Variants in FLRT2 observed in about 807,000 individuals in gnomAD.
FLRT2 encodes leucine-rich repeat transmembrane protein FLRT2.
In FLRT2, 15 loss-of-function variants were observed where a neutral mutation model predicts 40.0. That is an observed-to-expected ratio of 0.38 (90% CI 0.25 to 0.58). FLRT2 has a LOEUF of 0.58. FLRT2 is among the 20% of genes least tolerant of loss of function. FLRT2 has a pLI of 0.71. For missense variants in FLRT2, 726 were observed against 840.0 expected, an observed-to-expected ratio of 0.86 and a Z score of 1.68; for synonymous variants, 380 against 336.8, an observed-to-expected ratio of 1.13 and a Z score of -1.41.
chr14:85,589,998 T>A (rs1223153756), intron 1 of FLRT2, among the ~76,000 whole-genome samples: 2 of 152,130 alleles, frequency 1.3e-5, no homozygotes, highest in Non-Finnish European at 2.9e-5. Flanking sequence ...TTGGTTACTA[T>A]AGCTCTGTAG....
intron 1 of FLRT2, among the ~76,000 whole-genome samples, chr14:85,544,152 A>G (rs967589472): frequency 2.0e-5 from 3 of 152,196 alleles, no homozygotes; most frequent in African/African-American, 7.2e-5. Context: ...AGGGGGAAGT[A>G]CAACCACCAC....
chr14:85,598,428 T>G (rs1353023829), intron 1 of FLRT2, among the ~76,000 whole-genome samples: 2 of 152,242 alleles, frequency 1.3e-5, no homozygotes, highest in Admixed American at 6.5e-5. Flanking sequence ...ACGGGAATTC[T>G]AAACTTAGAT....
At chr14:85,576,488 T>C (rs551618551) in intron 1 of FLRT2, among the ~76,000 whole-genome samples, 4 of 152,342 alleles carry the variant, frequency 2.6e-5, no homozygotes, top group African/African-American at 7.2e-5. Context: ...GCTTGCAAAC[T>C]GGGAGCTTTA....
At chr14:85,597,529 A>G (rs1044543289) in intron 1 of FLRT2, among the ~76,000 whole-genome samples, 2 of 152,168 alleles carry the variant, frequency 1.3e-5, no homozygotes, top group African/African-American at 4.8e-5. Flanking sequence ...GAAGCTTGAT[A>G]CTGGAAGTAA....
chr14:85,603,887 T>C (rs1165177805), intron 1 of FLRT2, among the ~76,000 whole-genome samples: 1 of 152,140 alleles, frequency 6.6e-6, no homozygotes, highest in African/African-American at 2.4e-5. Flanking sequence ...GGATTGAGAA[T>C]GGAGAACAGA....
chr14:85,608,158 T>C (rs1376347143), intron 1 of FLRT2, among the ~76,000 whole-genome samples: 1 of 152,208 alleles, frequency 6.6e-6, no homozygotes, highest in Non-Finnish European at 1.5e-5. Flanking sequence ...CTTCAACATA[T>C]GAGTTTTGGG....
At chr14:85,587,187 C>G (rs1891657541) in intron 1 of FLRT2, among the ~76,000 whole-genome samples, 1 of 151,582 alleles carries the variant, frequency 6.6e-6, no homozygotes, top group Non-Finnish European at 1.5e-5. Context: ...CACATACACA[C>G]ACCAGCACTT....
Position 85,606,540 on chromosome 14 carries a change from T to C in FLRT2, c.-376-14599T>C, listed in dbSNP as rs568093610. 9.4e-5 allele frequency among the ~76,000 whole-genome samples: 14 copies of C among 149,716 alleles called. No homozygotes were observed. The South Asian group carries it at 2.8e-3, about 30-fold the overall frequency. On this transcript the variant is annotated intron_variant, in intron 1 of 1. Coordinates refer to ENST00000330753, the MANE Select transcript of FLRT2 (RefSeq NM_013231.6). ...GTTACTCTTTTTTTTTTTTTTTTTTTTTTGAGAGGGAGTGCTGCTCTGTTG... is the reference window on the plus strand; with the variant it reads ...GTTACTCTTTTTTTTTTTTTTTTTTCTTTGAGAGGGAGTGCTGCTCTGTTG...
At chr14:85,594,543 A>G (rs1391606476) in intron 1 of FLRT2, among the ~76,000 whole-genome samples, 1 of 152,218 alleles carries the variant, frequency 6.6e-6, no homozygotes, top group Non-Finnish European at 1.5e-5. Context: ...CTCTTACCCC[A>G]GTAGGTGCTC....
At chr14:85,553,286 C>G (rs1889752826) in intron 1 of FLRT2, among the ~76,000 whole-genome samples, 2 of 152,136 alleles carry the variant, frequency 1.3e-5, no homozygotes, top group South Asian at 2.1e-4. Context: ...AGAATGCAGA[C>G]AGGGAGTTTA....
At chr14:85,606,120 A>G (rs973532833) in intron 1 of FLRT2, among the ~76,000 whole-genome samples, 1 of 152,138 alleles carries the variant, frequency 6.6e-6, no homozygotes, top group African/African-American at 2.4e-5. Context: ...ATTTCTTTAT[A>G]TTATATAATT....
At chr14:85,534,944 C>A (rs751985505) in intron 1 of FLRT2, among the ~76,000 whole-genome samples, 23 of 151,376 alleles carry the variant, frequency 1.5e-4, no homozygotes, top group Non-Finnish European at 2.6e-4. Context: ...CTCATCCTGT[C>A]TTCTCCTGTG....
rs1894249272 is a variant in FLRT2 at position 85,644,747 on chromosome 14, G to A, written c.*21250G>A. The A allele has an allele frequency of 1.3e-5, 2 of 152,154 alleles. 1 individual carries two copies. Among genetic ancestry groups the A allele is most frequent in the Admixed American group, 1.3e-4 (2 of 15,272 alleles). The allele number at this position is 152,154 out of a possible 1,614,324, so 9.4% of individuals were successfully genotyped here. A position where few individuals can be genotyped will look rare whatever the true frequency, so the allele number is the denominator to read the frequency against. On this transcript the variant is annotated 3_prime_UTR_variant, in exon 2 of 2. Coordinates refer to ENST00000330753, the MANE Select transcript of FLRT2 (RefSeq NM_013231.6). The stretch of plus-strand genomic sequence containing the variant: ...TAGTAATCCCTAAAGCTGTGAATTT[G>A]GAGTTTGTTGCTGAGGAAGAGTAGA...
chr14:85,562,740 T>G (rs1377261277), intron 1 of FLRT2: 2 of 151,222 alleles, frequency 1.3e-5, no homozygotes, highest in African/African-American at 4.9e-5. Context: ...GGAAAGAATG[T>G]CGTCACATGA....
At chr14:85,581,224 G>C (rs1266795155) in intron 1 of FLRT2, among the ~76,000 whole-genome samples, 1 of 152,154 alleles carries the variant, frequency 6.6e-6, no homozygotes, top group East Asian at 1.9e-4. Context: ...TGGAAATGAG[G>C]CTTATGCAAA....
intron 1 of FLRT2, among the ~76,000 whole-genome samples, chr14:85,592,212 T>C (rs554378261): frequency 1.3e-5 from 2 of 152,098 alleles, no homozygotes; most frequent in East Asian, 1.9e-4. Flanking sequence ...GAAAAGAAAA[T>C]AGAAAAATAA....
At chr14:85,615,814 T>A (rs1170647765) in intron 1 of FLRT2, among the ~76,000 whole-genome samples, 1 of 94,122 alleles carries the variant, frequency 1.1e-5, no homozygotes, top group Non-Finnish European at 2.3e-5. Context: ...ACCATTAAGA[T>A]TTTATTAGGT....
chr14:85,545,791 T>C (rs1889247573), intron 1 of FLRT2, among the ~76,000 whole-genome samples: 1 of 152,226 alleles, frequency 6.6e-6, no homozygotes, highest in Admixed American at 6.5e-5. Context: ...GAGAACACTC[T>C]CCATTTTTTC....
chr14:85,557,710 G>A (rs1006014665), intron 1 of FLRT2, among the ~76,000 whole-genome samples: 2 of 152,134 alleles, frequency 1.3e-5, no homozygotes, highest in Non-Finnish European at 2.9e-5. Flanking sequence ...CCAGCTACTT[G>A]GGAGGCTGAG....
Sources: gnomAD v4.1 joint callset for allele counts (sites outside exome capture counted in the v4.1 genomes callset) on GRCh38, gnomAD v4.1.1 for gene constraint, MANE v1.5 for transcripts, NCBI Gene and HGNC (gene_info 2026-07-23, HGNC 2026-07-21) for gene names.